EXOC6B: variants seen among roughly 807,000 people sequenced by gnomAD.
The protein encoded by EXOC6B is exocyst complex component 6B.
Under a neutral mutation model 113.5 loss-of-function variants are expected in EXOC6B, and 54 were observed. The observed-to-expected ratio is 0.48, with a 90% CI of 0.38 to 0.60. The LOEUF is 0.60. Ranked by LOEUF, EXOC6B falls within the 20% of genes least tolerant of loss-of-function variation. The probability of loss-of-function intolerance (pLI) is 0.00; values close to 1 mark genes in which losing one functional copy is unlikely to be tolerated. For missense variants in EXOC6B, 797 were observed against 977.5 expected, an observed-to-expected ratio of 0.82 and a Z score of 2.46; for synonymous variants, 357 against 339.0, an observed-to-expected ratio of 1.05 and a Z score of -0.58.
intron 19 of EXOC6B, among the ~76,000 whole-genome samples, chr2:72,374,420 T>C (rs2105041010): frequency 6.6e-6 from 1 of 152,288 alleles, no homozygotes; most frequent in South Asian, 2.1e-4. Context: ...TGGAGGCAAT[T>C]ATGATAAGTG....
chr2:72,187,098 C>T (rs767358996), intron 20 of EXOC6B, among the ~76,000 whole-genome samples: 13 of 152,080 alleles, frequency 8.5e-5, no homozygotes, highest in Admixed American at 2.0e-4. Context: ...CTCCAGGTGC[C>T]GGCATGGGCA....
chr2:72,209,288 T>G (rs575800735), intron 20 of EXOC6B, among the ~76,000 whole-genome samples: 12 of 150,992 alleles, frequency 7.9e-5, no homozygotes, highest in African/African-American at 2.9e-4. Flanking sequence ...ATATTTAATC[T>G]TACTTAGTTG....
chr2:72,690,779 G>A (rs1348181284), intron 6 of EXOC6B, among the ~76,000 whole-genome samples: 1 of 152,114 alleles, frequency 6.6e-6, no homozygotes, highest in Non-Finnish European at 1.5e-5. Flanking sequence ...AAAGATGCTG[G>A]ACATGTCAGG....
At position 72,317,769 on chromosome 2, in the gene EXOC6B, C is replaced by T. The variant is rs1265072940; in HGVS notation, c.2196+17178G>A. Among the ~76,000 whole-genome samples the T allele has an allele frequency of 1.3e-5, 2 of 152,132 alleles. 1 individual carries two copies. Among genetic ancestry groups the T allele is most frequent in the South Asian group, 4.1e-4 (2 of 4,826 alleles). ...GTGTACCAGTAGCTTTTGAGAACCACTTCCTCTCCATTGTCACTCCTAGTT... is the reference window on the plus strand; with the variant it reads ...GTGTACCAGTAGCTTTTGAGAACCATTTCCTCTCCATTGTCACTCCTAGTT... On this transcript the variant is annotated intron_variant, in intron 20 of 21. Coordinates refer to ENST00000272427, the MANE Select transcript of EXOC6B (RefSeq NM_015189.3).
At chr2:72,315,520 G>C (rs1346027582) in intron 20 of EXOC6B, among the ~76,000 whole-genome samples, 1 of 152,084 alleles carries the variant, frequency 6.6e-6, no homozygotes, top group Non-Finnish European at 1.5e-5. Flanking sequence ...GCCTGTAGAG[G>C]GGCAAAGGCA....
chr2:72,278,829 A>G (rs1553364050), intron 20 of EXOC6B, among the ~76,000 whole-genome samples: 2 of 152,210 alleles, frequency 1.3e-5, no homozygotes, highest in Non-Finnish European at 2.9e-5. Context: ...AAGGAGACAT[A>G]CAAAAGAAAT....
At position 72,328,067 on chromosome 2, in the gene EXOC6B, A is replaced by G. The variant is rs77784850; in HGVS notation, c.2196+6880T>C. Among the ~76,000 whole-genome samples the G allele has an allele frequency of 2.6e-3, 395 of 152,224 alleles. 1 individual carries two copies. The highest frequency in any genetic ancestry group is 6.8e-3 in the Middle Eastern group (2 of 294). ...TCCTTCTTCTATTTTTCACAGAACC[A>G]TCCCCAGAAGCTGTTAGCTCTCCCC... On this transcript the variant is annotated intron_variant, in intron 20 of 21. Coordinates refer to ENST00000272427, the MANE Select transcript of EXOC6B (RefSeq NM_015189.3).
chr2:72,675,072 A>C (rs1278695074), intron 6 of EXOC6B, among the ~76,000 whole-genome samples: 1 of 152,214 alleles, frequency 6.6e-6, no homozygotes, highest in Non-Finnish European at 1.5e-5. Context: ...ATACCACTCA[A>C]AACAAGCACT....
At chr2:72,293,869 T>C (rs1685961079) in intron 20 of EXOC6B, among the ~76,000 whole-genome samples, 1 of 152,086 alleles carries the variant, frequency 6.6e-6, no homozygotes, top group African/African-American at 2.4e-5. Context: ...CCTTTTATGA[T>C]GAGTAATCAG....
chr2:72,669,073 C>G (rs1311223713), intron 6 of EXOC6B, among the ~76,000 whole-genome samples: 1 of 151,914 alleles, frequency 6.6e-6, no homozygotes, highest in East Asian at 1.9e-4. Context: ...GGTGACACAG[C>G]AAGACCTTAT....
At chr2:72,569,276 G>C (rs1182013241) in intron 7 of EXOC6B, among the ~76,000 whole-genome samples, 1 of 152,056 alleles carries the variant, frequency 6.6e-6, no homozygotes, top group Non-Finnish European at 1.5e-5. Flanking sequence ...TCTCTTAATA[G>C]ACATACTTTG....
At chr2:72,409,881 A>G (rs773395994) in intron 18 of EXOC6B, among the ~76,000 whole-genome samples, 1 of 152,090 alleles carries the variant, frequency 6.6e-6, no homozygotes, top group Non-Finnish European at 1.5e-5. Context: ...ATATATATAT[A>G]TGTATACCAA....
chr2:72,401,231 G>A (rs1033779809), intron 18 of EXOC6B, among the ~76,000 whole-genome samples: 2 of 151,108 alleles, frequency 1.3e-5, no homozygotes, highest in Non-Finnish European at 2.9e-5. Context: ...GGAGGCTGAG[G>A]TGGGTGGATC....
intron 19 of EXOC6B, among the ~76,000 whole-genome samples, chr2:72,343,043 AG>A (rs954836730): frequency 6.6e-5 from 10 of 152,312 alleles, no homozygotes; most frequent in African/African-American, 2.4e-4. Flanking sequence ...TATTAAGCCT[AG>A]TGTGGGGATC....
At chr2:72,523,505 G>A (rs1329010694) in intron 8 of EXOC6B, among the ~76,000 whole-genome samples, 2 of 152,260 alleles carry the variant, frequency 1.3e-5, no homozygotes, top group Admixed American at 6.5e-5. Context: ...ACGGCTGGGC[G>A]CGGTGGCTCA....
At chr2:72,788,830 A>G (rs932292234) in intron 1 of EXOC6B, among the ~76,000 whole-genome samples, 6 of 152,188 alleles carry the variant, frequency 3.9e-5, no homozygotes, top group Non-Finnish European at 5.9e-5. Flanking sequence ...TAGAAATGAT[A>G]AAAACAAAAA....
chr2:72,768,133 A>G (rs569166503), intron 1 of EXOC6B, among the ~76,000 whole-genome samples: 2 of 151,160 alleles, frequency 1.3e-5, no homozygotes, highest in East Asian at 1.9e-4. Context: ...AAAAAAAAAA[A>G]AAAAAGAAAG....
At chr2:72,367,782 G>C (rs1166169822) in intron 19 of EXOC6B, among the ~76,000 whole-genome samples, 1 of 152,140 alleles carries the variant, frequency 6.6e-6, no homozygotes, top group Admixed American at 6.5e-5. Flanking sequence ...GTGCTGCCCT[G>C]TCATAGTGGA....
intron 20 of EXOC6B, among the ~76,000 whole-genome samples, chr2:72,186,486 A>G (rs192628403): frequency 1.9e-4 from 29 of 152,238 alleles, no homozygotes; most frequent in Middle Eastern, 3.4e-3. Flanking sequence ...ACTCCTAGGG[A>G]AAGAACTATG....
Sources: allele counts gnomAD v4.1 joint callset (sites outside exome capture counted in the v4.1 genomes callset), GRCh38; gene constraint gnomAD v4.1.1; transcripts MANE v1.5; gene names NCBI Gene and HGNC (gene_info 2026-07-23, HGNC 2026-07-21).